Variants in TMEM117 observed in about 807,000 individuals in gnomAD.
The protein encoded by TMEM117 is transmembrane protein 117.
A neutral mutation model predicts 52.4 loss-of-function variants in TMEM117; 27 were observed. The observed-to-expected ratio is 0.51, with a 90% confidence interval of 0.38 to 0.71. The LOEUF is 0.71. Among genes scored for constraint, TMEM117 ranks in the 30% least tolerant of loss-of-function variants. TMEM117 has a pLI of 0.00. For synonymous variants in TMEM117, 215 were observed against 206.3 expected (o/e 1.04, Z -0.36); for missense variants, 556 against 630.5 (o/e 0.88, Z 1.26).
At chr12:43,816,305 C>T in the TMEM117 span, among the ~76,000 whole-genome samples, 478 of 152,304 alleles carry the variant, frequency 3.1e-3, 3 homozygotes, top group African/African-American at 0.011. Flanking sequence ...TGACTTTACT[C>T]ACCTCCTGTC....
intron 5 of TMEM117, among the ~76,000 whole-genome samples, chr12:44,287,471 C>T (rs1027465980): frequency 2.0e-5 from 3 of 152,142 alleles, no homozygotes; most frequent in African/African-American, 7.2e-5. Context: ...AATAAAAACC[C>T]AAGGATGGTG....
intron 2 of TMEM117, among the ~76,000 whole-genome samples, chr12:43,931,512 T>C (rs1225851745): frequency 6.6e-6 from 1 of 152,204 alleles, no homozygotes; most frequent in Non-Finnish European, 1.5e-5. Context: ...GTAACAATGA[T>C]ATCAAAAATT....
intron 2 of TMEM117, among the ~76,000 whole-genome samples, chr12:43,920,150 C>G (rs1251961424): frequency 2.0e-5 from 3 of 152,118 alleles, no homozygotes; most frequent in African/African-American, 7.2e-5. Context: ...TGACCTCTCT[C>G]TCCTTACACT....
At chr12:43,834,325 T>A (rs779825088), upstream of TMEM117, among the ~76,000 whole-genome samples, 2 of 152,216 alleles carry the variant, frequency 1.3e-5, no homozygotes, top group Non-Finnish European at 2.9e-5. Flanking sequence ...TGGAATATAA[T>A]GACTAATATG....
At chr12:44,270,054 T>C (rs1369899022) in intron 5 of TMEM117, among the ~76,000 whole-genome samples, 1 of 152,122 alleles carries the variant, frequency 6.6e-6, no homozygotes, top group African/African-American at 2.4e-5. Context: ...ATAACAAATA[T>C]ATTTTTCAGT....
the TMEM117 span, chr12:43,796,977 T>C: frequency 2.5e-6 from 4 of 1,607,332 alleles, no homozygotes; most frequent in Non-Finnish European, 3.4e-6. Flanking sequence ...GTGGGCTACC[T>C]TTCTAATTAC....
chr12:43,806,404 C>A, the TMEM117 span: 1 of 1,156,458 alleles, frequency 8.6e-7, no homozygotes, highest in South Asian at 4.1e-5. Flanking sequence ...CCCGAGCGTC[C>A]CCGCCGCCCC....
intron 3 of TMEM117, among the ~76,000 whole-genome samples, chr12:44,122,821 G>A (rs1948259526): frequency 6.6e-6 from 1 of 152,114 alleles, no homozygotes; most frequent in Non-Finnish European, 1.5e-5. Flanking sequence ...TAGTTGATGG[G>A]CATTTAGGTT....
At chr12:44,344,842 G>A (rs1951463659) in intron 6 of TMEM117, among the ~76,000 whole-genome samples, 1 of 151,988 alleles carries the variant, frequency 6.6e-6, no homozygotes, top group South Asian at 2.1e-4. Context: ...GGAGATCCTG[G>A]ATAGGAAAAG....
intron 2 of TMEM117, among the ~76,000 whole-genome samples, chr12:43,899,007 A>G (rs1011042326): frequency 6.6e-6 from 1 of 152,236 alleles, no homozygotes; most frequent in Admixed American, 6.5e-5. Flanking sequence ...TATATGTTAT[A>G]GGCAGATAAC....
intron 6 of TMEM117, among the ~76,000 whole-genome samples, chr12:44,335,932 A>G (rs1246622309): frequency 6.6e-6 from 1 of 152,070 alleles, no homozygotes; most frequent in Non-Finnish European, 1.5e-5. Flanking sequence ...ACTATAAGAA[A>G]TAAGACCAGA....
At chr12:44,188,567 T>TA (rs969518787) in intron 4 of TMEM117, among the ~76,000 whole-genome samples, 1 of 152,096 alleles carries the variant, frequency 6.6e-6, no homozygotes, top group Non-Finnish European at 1.5e-5. Flanking sequence ...TCAACGCACT[T>TA]TAGTAACAAG....
At chr12:44,306,970 A>G (rs561292753) in intron 6 of TMEM117, among the ~76,000 whole-genome samples, 1 of 152,248 alleles carries the variant, frequency 6.6e-6, no homozygotes. Context: ...TAATGCACTG[A>G]AAAAATAATC....
intron 6 of TMEM117, among the ~76,000 whole-genome samples, chr12:44,349,117 C>T (rs1318138733): frequency 6.6e-6 from 1 of 151,954 alleles, no homozygotes. Context: ...AAACAAATTG[C>T]ATTTTTGCCC....
intron 2 of TMEM117, among the ~76,000 whole-genome samples, chr12:43,910,900 T>C (rs1425983478): frequency 1.4e-4 from 11 of 80,728 alleles, no homozygotes; most frequent in East Asian, 4.1e-4. Flanking sequence ...GAATCAATAT[T>C]GTGAAAATGG....
chr12:43,988,359 G>A (rs962598175), intron 3 of TMEM117, among the ~76,000 whole-genome samples: 1 of 152,010 alleles, frequency 6.6e-6, no homozygotes, highest in Non-Finnish European at 1.5e-5. Flanking sequence ...AGAAGTGTGA[G>A]TGTTAAGGTT....
At chr12:44,319,446 C>T (rs1951102923) in intron 6 of TMEM117, among the ~76,000 whole-genome samples, 1 of 152,206 alleles carries the variant, frequency 6.6e-6, no homozygotes, top group Admixed American at 6.5e-5. Flanking sequence ...TGGGTCTTCA[C>T]TCACTTTTAT....
chr12:44,151,414 T>G (rs1166771274), intron 4 of TMEM117, among the ~76,000 whole-genome samples: 1 of 151,810 alleles, frequency 6.6e-6, no homozygotes, highest in Non-Finnish European at 1.5e-5. Flanking sequence ...AACGTGCAGG[T>G]TTGTTACATA....
intron 6 of TMEM117, among the ~76,000 whole-genome samples, chr12:44,362,969 C>T (rs978585731): frequency 1.3e-5 from 2 of 152,068 alleles, no homozygotes; most frequent in Non-Finnish European, 2.9e-5. Context: ...TCTCCATCCT[C>T]AGCCTCCCGA....
Sources: allele counts gnomAD v4.1 joint callset (sites outside exome capture counted in the v4.1 genomes callset), GRCh38; gene constraint gnomAD v4.1.1; transcripts MANE v1.5; gene names NCBI Gene and HGNC (gene_info 2026-07-23, HGNC 2026-07-21).